Variants in KIF13A observed in about 807,000 individuals in gnomAD.
KIF13A encodes kinesin-like protein KIF13A.
Under a neutral mutation model 212.2 loss-of-function variants are expected in KIF13A, and 79 were observed. That is an observed-to-expected ratio of 0.37 (90% CI 0.31 to 0.45). KIF13A has a LOEUF of 0.45. Ranked by LOEUF, KIF13A falls within the 20% of genes least tolerant of loss-of-function variation. KIF13A has a pLI of 1.00. For synonymous variants in KIF13A, 789 were observed against 808.6 expected, an observed-to-expected ratio of 0.98 and a Z score of 0.41; for missense variants, 1,901 against 2,209.0, an observed-to-expected ratio of 0.86 and a Z score of 2.79.
chr6:17,819,885 G>T (rs2150358004), intron 16 of KIF13A, among the ~76,000 whole-genome samples: 1 of 152,108 alleles, frequency 6.6e-6, no homozygotes, highest in South Asian at 2.1e-4. Context: ...AAAGGACAGG[G>T]TGCTACAGTA....
chr6:17,863,691 T>C (rs945489454), intron 4 of KIF13A, among the ~76,000 whole-genome samples: 3 of 152,208 alleles, frequency 2.0e-5, no homozygotes, highest in African/African-American at 7.2e-5. Context: ...ACACAGATGA[T>C]GGCTACACTT....
At position 17,776,776 on chromosome 6, in the gene KIF13A, T is replaced by C. The variant is rs1428795462; in HGVS notation, c.4170+501A>G. 6.6e-6 allele frequency among the ~76,000 whole-genome samples: 1 copy of C among 152,210 alleles called. No individual in the cohort carries two copies. The highest frequency in any genetic ancestry group is 2.4e-5 in the African/African-American group (1 of 41,462). Reference sequence around the variant, plus strand: ...TGTGACAGTGTCCCCCCTGCTAGGATCAGTTTCTGTCAATTGGATTTTCTA... The same window carrying C: ...TGTGACAGTGTCCCCCCTGCTAGGACCAGTTTCTGTCAATTGGATTTTCTA... On this transcript the variant is annotated intron_variant, in intron 34 of 38. Coordinates refer to ENST00000259711, the MANE Select transcript of KIF13A (RefSeq NM_022113.6). The surrounding 1 kb of genome is among the most constrained non-coding windows in gnomAD (Gnocchi z 4.6).
intron 7 of KIF13A, 87 bp downstream of exon 7, chr6:17,851,868 A>C (rs1767685879): frequency 8.2e-6 from 5 of 611,124 alleles, no homozygotes; most frequent in Middle Eastern, 3.0e-4. Context: ...TTCTGCTATA[A>C]AGCATCCACA....
intron 12 of KIF13A, among the ~76,000 whole-genome samples, chr6:17,831,921 C>T (rs1235975253): frequency 2.0e-5 from 3 of 151,820 alleles, no homozygotes; most frequent in Middle Eastern, 3.4e-3. Flanking sequence ...AATGAAGTCC[C>T]GTCTTTCATG....
intron 2 of KIF13A, among the ~76,000 whole-genome samples, chr6:17,976,274 C>A (rs1395581030): frequency 6.6e-6 from 1 of 152,204 alleles, no homozygotes; most frequent in African/African-American, 2.4e-5. Context: ...TGCACAGGAG[C>A]CCACGGAGCG....
rs1203315076 is a variant in KIF13A, at chr6:17,883,874, A to G, written c.160-10437T>C. 6.6e-6 allele frequency among the ~76,000 whole-genome samples: 1 copy of G among 151,730 alleles called. No homozygotes were observed. The highest frequency in any genetic ancestry group is 1.5e-5 in the Non-Finnish European group (1 of 67,876). ...TGAGGCTGCAATGAGCTATGATCAC[A>G]CCTGTGAATAGCCACTGCACTCCAG... is the stretch of plus-strand genomic sequence containing the variant. On this transcript the variant is annotated intron_variant, in intron 3 of 38. Coordinates refer to ENST00000259711, the MANE Select transcript of KIF13A (RefSeq NM_022113.6). The surrounding 1 kb of genome is among the most constrained non-coding windows in gnomAD (Gnocchi z 4.8).
intron 19 of KIF13A, 26 bp downstream of exon 19, chr6:17,805,449 T>C: frequency 6.2e-7 from 1 of 1,604,862 alleles, no homozygotes; most frequent in East Asian, 2.2e-5. Context: ...CATAACAAAA[T>C]CTCCATTACA....
chr6:17,954,126 T>C (rs1409245188), intron 2 of KIF13A, among the ~76,000 whole-genome samples: 1 of 151,906 alleles, frequency 6.6e-6, no homozygotes, highest in African/African-American at 2.4e-5. Context: ...GGTGAAACCC[T>C]GTCCCTGCTA....
chr6:17,831,953 G>C (rs369990441), intron 12 of KIF13A, among the ~76,000 whole-genome samples: 8 of 151,968 alleles, frequency 5.3e-5, no homozygotes, highest in African/African-American at 1.7e-4. Flanking sequence ...TCTGGTGGGA[G>C]GAGACAGGCC....
In KIF13A at chr6:17,839,558, G is replaced by T. The variant is rs576668101; in HGVS notation, c.831-1975C>A. ...ACGTGAAAGAAGCCAAACACAAAAG[G>T]CCATTGTCCTGGGTTGAACAGTATT... On this transcript the variant is annotated intron_variant, in intron 9 of 38. Coordinates refer to ENST00000259711, the MANE Select transcript of KIF13A (RefSeq NM_022113.6). This position sits in a 1 kb window ranked among gnomAD's most constrained non-coding sequence, Gnocchi z 4.3. Among the ~76,000 whole-genome samples, 59 of 152,234 alleles carry T rather than the reference G, an allele frequency of 3.9e-4. 1 individual carries two copies. Among genetic ancestry groups the T allele is most frequent in the Admixed American group, 2.8e-3 (43 of 15,296 alleles).
At position 17,769,779 on chromosome 6, in the gene KIF13A, AGCCCAC is replaced by A. The variant is rs1759327258; in HGVS notation, c.4581+1329_4581+1334del. On this transcript the variant is annotated intron_variant, in intron 38 of 38. Coordinates refer to ENST00000259711, the MANE Select transcript of KIF13A (RefSeq NM_022113.6). The surrounding 1 kb of genome is among the most constrained non-coding windows in gnomAD (Gnocchi z 5.8). The stretch of plus-strand genomic sequence containing the variant: ...AAAAAACTAGTCATTTGGCCTTTTT[AGCCCAC>A]ACTGCAGCCCTTATTAATTGAGCAG... 6.6e-6 allele frequency among the ~76,000 whole-genome samples: 1 copy of A among 152,172 alleles called. No individual in the cohort carries two copies. The highest frequency in any genetic ancestry group is 2.4e-5 in the African/African-American group (1 of 41,432).
At chr6:17,761,681 C>A (rs182994462), downstream of KIF13A, among the ~76,000 whole-genome samples, 2 of 151,972 alleles carry the variant, frequency 1.3e-5, no homozygotes, top group Non-Finnish European at 2.9e-5. Context: ...CTGCGCTCCG[C>A]TAAAAACTCT....
chr6:17,851,257 G>T (rs1767613570), intron 7 of KIF13A, among the ~76,000 whole-genome samples: 1 of 152,116 alleles, frequency 6.6e-6, no homozygotes, highest in African/African-American at 2.4e-5. Flanking sequence ...GATTTAAATG[G>T]CTGGAGAGAA....
Position 17,936,571 on chromosome 6 carries a change from A to G in KIF13A, c.147-38391T>C, listed in dbSNP as rs144104369. Among the ~76,000 whole-genome samples the G allele has an allele frequency of 3.0e-3, 456 of 152,270 alleles. 1 individual carries two copies. Among genetic ancestry groups the G allele is most frequent in the African/African-American group, 0.01 (429 of 41,556 alleles). On this transcript the variant is annotated intron_variant, in intron 2 of 38. Coordinates refer to ENST00000259711, the MANE Select transcript of KIF13A (RefSeq NM_022113.6). ...TTAAGAAGAAAATGGAGGCAGAGAG[A>G]GTTTGCAGGTATTATGTGCCAGGCT...
intron 2 of KIF13A, among the ~76,000 whole-genome samples, chr6:17,959,465 CT>C (rs989464604): frequency 1.3e-5 from 2 of 152,174 alleles, no homozygotes; most frequent in African/African-American, 4.8e-5. Context: ...AGATGTTTCT[CT>C]GTAGGAACAC....
chr6:17,807,529 G>A (rs905097103), intron 18 of KIF13A, among the ~76,000 whole-genome samples: 1 of 148,354 alleles, frequency 6.7e-6, no homozygotes, highest in Non-Finnish European at 1.5e-5. Context: ...CCTGTTTTCT[G>A]TTATTTAAGA....
At chr6:17,795,184 C>A (rs1761924958) in intron 23 of KIF13A, among the ~76,000 whole-genome samples, 1 of 152,068 alleles carries the variant, frequency 6.6e-6, no homozygotes, top group African/African-American at 2.4e-5. Context: ...TTTTTTAATG[C>A]AGAGTAATAC....
At chr6:17,940,930 A>G (rs916606977) in intron 2 of KIF13A, among the ~76,000 whole-genome samples, 2 of 149,492 alleles carry the variant, frequency 1.3e-5, no homozygotes, top group Admixed American at 6.8e-5. Context: ...GGTTCAAGTG[A>G]TTCTCTTGCC....
At chr6:17,874,979 A>AC (rs1770384264) in intron 3 of KIF13A, among the ~76,000 whole-genome samples, 2 of 89,868 alleles carry the variant, frequency 2.2e-5, no homozygotes, top group Non-Finnish European at 4.8e-5. Context: ...GTATTCCACC[A>AC]CACACACACA....
Sources: allele counts gnomAD v4.1 joint callset (sites outside exome capture counted in the v4.1 genomes callset), GRCh38; gene constraint gnomAD v4.1.1; non-coding constraint Gnocchi (gnomAD v3.1); transcripts MANE v1.5; gene names NCBI Gene and HGNC (gene_info 2026-07-23, HGNC 2026-07-21).